The following LRRIQ1 variants were observed in gnomAD, a reference collection of about 807,000 sequenced individuals.
LRRIQ1 encodes leucine rich repeats and IQ motif containing 1.
In LRRIQ1, 210 loss-of-function variants were observed where a neutral mutation model predicts 211.9. The ratio of observed to expected loss-of-function variants is 0.99; its 90% CI spans 0.89 to 1.11. The LOEUF is 1.11. LRRIQ1 is among the 50% of genes most tolerant of loss of function. LRRIQ1 has a pLI of 0.00. For missense variants in LRRIQ1, 2,136 were observed against 1,939.5 expected (o/e 1.10, Z -1.90); for synonymous variants, 699 against 650.1 (o/e 1.08, Z -1.14).
chr12:85,266,079 G>C (rs7488217), downstream of LRRIQ1, among the ~76,000 whole-genome samples: 34,652 of 151,994 alleles, frequency 0.23, 10,223 homozygotes, highest in African/African-American at 0.69. Flanking sequence ...TTTAACCCTT[G>C]ATTTCCTGTA....
chr12:85,188,668 C>A (rs1465847217), intron 24 of LRRIQ1, among the ~76,000 whole-genome samples: 32 of 152,012 alleles, frequency 2.1e-4, no homozygotes, highest in Admixed American at 2.1e-3. Context: ...TACAGCAATG[C>A]CAACAACTGT....
chr12:85,106,185 A>G (rs1273940366), intron 14 of LRRIQ1, among the ~76,000 whole-genome samples: 2 of 152,112 alleles, frequency 1.3e-5, no homozygotes, highest in East Asian at 3.9e-4. Context: ...TTTAGATTTT[A>G]CTTCTTCAGA....
At chr12:85,124,736 T>C in intron 17 of LRRIQ1, 1 of 465,170 alleles carries the variant, frequency 2.1e-6, no homozygotes, top group Admixed American at 4.0e-5. Context: ...CTCATTTAAT[T>C]TCTAGTAGTA....
At chr12:85,198,318 T>C (rs917059974) in intron 24 of LRRIQ1, among the ~76,000 whole-genome samples, 2 of 150,606 alleles carry the variant, frequency 1.3e-5, no homozygotes, top group South Asian at 2.1e-4. Context: ...TCCTTGGGTG[T>C]ATACCCAAAA....
intron 7 of LRRIQ1, among the ~76,000 whole-genome samples, chr12:85,054,887 G>T (rs1479516708): frequency 6.6e-6 from 1 of 151,870 alleles, no homozygotes; most frequent in African/African-American, 2.4e-5. Flanking sequence ...GTTTCCGTTA[G>T]ATATTTGCTC....
intron 11 of LRRIQ1, 52 bp downstream of exon 11, chr12:85,073,150 G>C (rs774866582): frequency 1.5e-5 from 20 of 1,355,040 alleles, no homozygotes; most frequent in Admixed American, 2.0e-5. Context: ...TTCTAGAGGA[G>C]GTATGGGGAG....
chr12:85,271,242 C>A, the LRRIQ1 span, among the ~76,000 whole-genome samples: 1 of 152,116 alleles, frequency 6.6e-6, no homozygotes, highest in Non-Finnish European at 1.5e-5. Flanking sequence ...ACAGGTTTAA[C>A]CCTGTAACAC....
intron 24 of LRRIQ1, among the ~76,000 whole-genome samples, chr12:85,217,207 A>C (rs1592983482): frequency 6.6e-6 from 1 of 151,664 alleles, no homozygotes; most frequent in South Asian, 2.1e-4. Flanking sequence ...GAATTTCATT[A>C]TGAACATATA....
chr12:85,110,401 G>C (rs549804393), intron 15 of LRRIQ1, among the ~76,000 whole-genome samples: 1 of 152,146 alleles, frequency 6.6e-6, no homozygotes, highest in East Asian at 1.9e-4. Context: ...TAATAATTAT[G>C]TATGTAACCC....
chr12:85,195,926 C>T (rs916102938), intron 24 of LRRIQ1, among the ~76,000 whole-genome samples: 1 of 151,442 alleles, frequency 6.6e-6, no homozygotes, highest in Non-Finnish European at 1.5e-5. Flanking sequence ...TCTAGAAAAC[C>T]CCATCGTCTC....
At chr12:85,193,031 AT>A in intron 24 of LRRIQ1, among the ~76,000 whole-genome samples, 1 of 101,932 alleles carries the variant, frequency 9.8e-6, no homozygotes, top group East Asian at 2.9e-4. Context: ...TATATTTATT[AT>A]ATTATATTTA....
chr12:85,269,056 C>T (rs1394616938), downstream of LRRIQ1, among the ~76,000 whole-genome samples: 2 of 151,724 alleles, frequency 1.3e-5, no homozygotes, highest in Non-Finnish European at 2.9e-5. Context: ...AGAATACAGC[C>T]TAAATAAATA....
At chr12:85,208,311 G>A (rs75283920) in intron 24 of LRRIQ1, among the ~76,000 whole-genome samples, 3,069 of 152,132 alleles carry the variant, frequency 0.02, 99 homozygotes, top group African/African-American at 0.071. Flanking sequence ...TCTATCTAGA[G>A]TAAGGAGGAA....
chr12:85,137,284 A>T (rs189986706), intron 18 of LRRIQ1, among the ~76,000 whole-genome samples: 1 of 151,288 alleles, frequency 6.6e-6, no homozygotes, highest in East Asian at 1.9e-4. Flanking sequence ...TCCATTTTTT[A>T]CAAGCTACAT....
At chr12:85,084,385 T>C (rs1884604536) in intron 11 of LRRIQ1, among the ~76,000 whole-genome samples, 1 of 152,152 alleles carries the variant, frequency 6.6e-6, no homozygotes, top group African/African-American at 2.4e-5. Flanking sequence ...CAGCCAATGA[T>C]GCCTACTTTT....
intron 11 of LRRIQ1, among the ~76,000 whole-genome samples, chr12:85,094,787 A>G (rs1222569929): frequency 3.3e-5 from 5 of 151,888 alleles, no homozygotes; most frequent in Non-Finnish European, 7.4e-5. Context: ...GATTTCTTTC[A>G]GTGGTGCTTT....
At chr12:85,189,638 G>C (rs183667772) in intron 24 of LRRIQ1, among the ~76,000 whole-genome samples, 1 of 151,370 alleles carries the variant, frequency 6.6e-6, no homozygotes, top group South Asian at 2.1e-4. Context: ...ATAAACATTA[G>C]TGACTGGATA....
At chr12:85,099,741 C>T (rs561594614) in intron 13 of LRRIQ1, among the ~76,000 whole-genome samples, 4 of 151,802 alleles carry the variant, frequency 2.6e-5, no homozygotes, top group South Asian at 4.1e-4. Flanking sequence ...ACAAAACACA[C>T]GAATAAGGAC....
chr12:85,147,252 C>T (rs1889952979), intron 19 of LRRIQ1, among the ~76,000 whole-genome samples: 1 of 151,772 alleles, frequency 6.6e-6, no homozygotes, highest in Admixed American at 6.6e-5. Context: ...AATTTTCCAA[C>T]AGGAAGGGGC....
Sources: allele counts gnomAD v4.1 joint callset (sites outside exome capture counted in the v4.1 genomes callset), GRCh38; gene constraint gnomAD v4.1.1; transcripts MANE v1.5; gene names NCBI Gene and HGNC (gene_info 2026-07-23, HGNC 2026-07-21).